The following MAML3 variants were observed in gnomAD, a reference collection of about 807,000 sequenced individuals.
The protein encoded by MAML3 is mastermind like transcriptional coactivator 3, also known as mastermind-like protein 3.
In MAML3, 27 loss-of-function variants were observed where a neutral mutation model predicts 101.9. The ratio of observed to expected loss-of-function variants is 0.27; its 90% CI spans 0.20 to 0.37. MAML3 has a LOEUF of 0.37. Among genes scored for constraint, MAML3 ranks in the 10% least tolerant of loss-of-function variants. The pLI is 1.00. For missense variants in MAML3, 1,316 were observed against 1,444.9 expected (o/e 0.91, Z 1.45); for synonymous variants, 501 against 555.9 (o/e 0.90, Z 1.39).
intron 2 of MAML3, among the ~76,000 whole-genome samples, chr4:139,768,027 G>A (rs1274499300): frequency 2.6e-5 from 4 of 152,098 alleles, no homozygotes; most frequent in East Asian, 3.8e-4. Context: ...TCCTATTTTG[G>A]TGGAATATCT....
At chr4:139,950,315 C>G (rs997012896) in intron 1 of MAML3, among the ~76,000 whole-genome samples, 1 of 152,204 alleles carries the variant, frequency 6.6e-6, no homozygotes, top group East Asian at 1.9e-4. Context: ...GCTGGGATTA[C>G]AGGCATGAGC....
At chr4:140,061,133 T>A (rs144165008) in intron 1 of MAML3, among the ~76,000 whole-genome samples, 1 of 152,246 alleles carries the variant, frequency 6.6e-6, no homozygotes, top group Non-Finnish European at 1.5e-5. Flanking sequence ...TCTACTCATC[T>A]TCCCTTTATT....
At chr4:140,125,465 A>G in intron 1 of MAML3, among the ~76,000 whole-genome samples, 1 of 152,300 alleles carries the variant, frequency 6.6e-6, no homozygotes, top group South Asian at 2.1e-4. Context: ...AAAAATAAAG[A>G]CGTTTAAAAA....
intron 1 of MAML3, among the ~76,000 whole-genome samples, chr4:139,966,742 A>AT (rs149754726): frequency 3.3e-5 from 5 of 152,058 alleles, no homozygotes; most frequent in African/African-American, 7.2e-5. Context: ...ATTTTAACAA[A>AT]TTTTTTTTAC....
At chr4:139,995,034 T>C (rs1271628147) in intron 1 of MAML3, among the ~76,000 whole-genome samples, 1 of 152,194 alleles carries the variant, frequency 6.6e-6, no homozygotes, top group Non-Finnish European at 1.5e-5. Context: ...TTCTTATAGA[T>C]GTCCTTTATC....
At chr4:139,906,325 T>C (rs1732821450) in intron 1 of MAML3, among the ~76,000 whole-genome samples, 1 of 152,136 alleles carries the variant, frequency 6.6e-6, no homozygotes, top group African/African-American at 2.4e-5. Context: ...CCTTAACTAT[T>C]AGCAAAGAAG....
intron 1 of MAML3, among the ~76,000 whole-genome samples, chr4:139,931,440 G>C (rs991298822): frequency 6.6e-6 from 1 of 152,174 alleles, no homozygotes; most frequent in African/African-American, 2.4e-5. Context: ...AAAAATTGCA[G>C]GGATGTATTA....
intron 1 of MAML3, among the ~76,000 whole-genome samples, chr4:140,069,354 GAGAAGGAGAAGAAGA>G (rs1232503934): frequency 2.7e-5 from 2 of 74,056 alleles, no homozygotes; most frequent in Non-Finnish European, 6.2e-5. Context: ...GAAGGAGAAG[GAGAAGGAGAAGAAGA>G]AGAAGAAGAA....
At chr4:139,888,830 T>C (rs1293838029) in intron 2 of MAML3, among the ~76,000 whole-genome samples, 2 of 152,220 alleles carry the variant, frequency 1.3e-5, no homozygotes, top group African/African-American at 4.8e-5. Flanking sequence ...TACAAAAATC[T>C]ACCCTCCACT....
At chr4:140,069,691 A>G (rs979066641) in intron 1 of MAML3, among the ~76,000 whole-genome samples, 2 of 85,798 alleles carry the variant, frequency 2.3e-5, no homozygotes, top group African/African-American at 6.0e-5. Context: ...AAAGAAAGAA[A>G]GAAGAAGAAG....
intron 1 of MAML3, among the ~76,000 whole-genome samples, chr4:140,095,138 C>G (rs1728134915): frequency 6.6e-6 from 1 of 152,242 alleles, no homozygotes. Context: ...TCACAGAGTA[C>G]CTGCCCTTGG....
intron 2 of MAML3, among the ~76,000 whole-genome samples, chr4:139,832,108 T>TCCC (rs1477403833): frequency 0.011 from 1,447 of 128,366 alleles, 86 homozygotes; most frequent in African/African-American, 0.037. Context: ...TTTTTTTTTT[T>TCCC]TTTTTTTTTT....
chr4:139,938,297 G>C (rs1578607372), intron 1 of MAML3, among the ~76,000 whole-genome samples: 1 of 152,224 alleles, frequency 6.6e-6, no homozygotes, highest in South Asian at 2.1e-4. Flanking sequence ...CTACAAGTCG[G>C]GGAGACCCTA....
chr4:140,034,112 C>T (rs1423710439), intron 1 of MAML3, among the ~76,000 whole-genome samples: 1 of 152,186 alleles, frequency 6.6e-6, no homozygotes, highest in East Asian at 1.9e-4. Context: ...ATCTCATTCA[C>T]AAGAATTCCA....
At chr4:139,989,968 C>T (rs924452418) in intron 1 of MAML3, among the ~76,000 whole-genome samples, 1 of 151,538 alleles carries the variant, frequency 6.6e-6, no homozygotes, top group Non-Finnish European at 1.5e-5. Flanking sequence ...TATTAAGTAT[C>T]TTTAAAGTAT....
chr4:139,923,292 C>T (rs1222896445), intron 1 of MAML3, among the ~76,000 whole-genome samples: 1 of 152,272 alleles, frequency 6.6e-6, no homozygotes, highest in African/African-American at 2.4e-5. Context: ...GGGCACCACA[C>T]TCTGCCCCCT....
intron 1 of MAML3, chr4:140,133,157 A>G (rs1371817139): frequency 2.5e-6 from 1 of 399,138 alleles, no homozygotes; most frequent in East Asian, 7.1e-5. Context: ...GTTTAAATAA[A>G]AGCCAACAAA....
chr4:139,932,968 C>A (rs760804249), intron 1 of MAML3, among the ~76,000 whole-genome samples: 1 of 152,150 alleles, frequency 6.6e-6, no homozygotes, highest in Non-Finnish European at 1.5e-5. Context: ...CTGACCCTCA[C>A]AAGTTTATCT....
chr4:139,845,243 G>A (rs1245198122), intron 2 of MAML3, among the ~76,000 whole-genome samples: 1 of 152,212 alleles, frequency 6.6e-6, no homozygotes, highest in African/African-American at 2.4e-5. Flanking sequence ...GAAGAAGTGA[G>A]GGTGGTGACA....
Sources: allele counts gnomAD v4.1 joint callset (sites outside exome capture counted in the v4.1 genomes callset), GRCh38; gene constraint gnomAD v4.1.1; transcripts MANE v1.5; gene names NCBI Gene and HGNC (gene_info 2026-07-23, HGNC 2026-07-21).